THNSL2: variants seen among roughly 807,000 people sequenced by gnomAD.
THNSL2 encodes the protein threonine synthase like 2.
A neutral mutation model predicts 40.0 loss-of-function variants in THNSL2; 34 were observed. The observed-to-expected ratio is 0.85, with a 90% CI of 0.65 to 1.13. The LOEUF is 1.13. Ranked by LOEUF, THNSL2 falls within the 50% of genes most tolerant of loss-of-function variation. The pLI is 0.00. For missense variants in THNSL2, 537 were observed against 608.8 expected, an observed-to-expected ratio of 0.88 and a Z score of 1.24; for synonymous variants, 241 against 247.5, an observed-to-expected ratio of 0.97 and a Z score of 0.25.
intron 7 of THNSL2, chr2:88,183,561 T>A (rs1228374449): frequency 6.6e-6 from 1 of 152,190 alleles, no homozygotes; most frequent in Non-Finnish European, 1.5e-5. Flanking sequence ...GTTGAGCTCT[T>A]CCTTTCTTCC....
Position 88,174,849 on chromosome 2 carries a change from A to G in THNSL2, c.418+16A>G, listed in dbSNP as rs1676738710. On this transcript the variant is annotated intron_variant, in intron 3 of 8. Transcript: ENST00000674334. Reference sequence around the variant, plus strand: ...GTGGTTGTAGGTGTGTTTTTGGGGCACAAACGCAGAATACCTGAGTGCTGT... The same window carrying G: ...GTGGTTGTAGGTGTGTTTTTGGGGCGCAAACGCAGAATACCTGAGTGCTGT... 1 of 1,612,900 alleles carries G rather than the reference A, an allele frequency of 6.2e-7. No individual in the cohort carries two copies.
chr2:88,185,796 T>A (rs1678225567), intron 8 of THNSL2, 102 bp from the exon 9 acceptor site: 2 of 1,536,918 alleles, frequency 1.3e-6, no homozygotes, highest in Non-Finnish European at 8.8e-7. Context: ...TACCCCCCCA[T>A]CCCTAAACTT....
At chr2:88,180,794 A>G (rs1196349750) in intron 5 of THNSL2, among the ~76,000 whole-genome samples, 1 of 152,140 alleles carries the variant, frequency 6.6e-6, no homozygotes, top group Non-Finnish European at 1.5e-5. Context: ...GACTGAGGTT[A>G]CTGCTCTGGC....
intron 5 of THNSL2, 115 bp from the exon 6 acceptor site, chr2:88,182,584 G>T: frequency 7.9e-7 from 1 of 1,259,672 alleles, no homozygotes. Context: ...CCTTTTTAAA[G>T]CACAAAAGCT....
At chr2:88,181,122 CCT>C (rs1227782287) in intron 5 of THNSL2, among the ~76,000 whole-genome samples, 36 of 4,724 alleles carry the variant, frequency 7.6e-3, no homozygotes, top group African/African-American at 0.022. Context: ...CTCTCTCTCT[CCT>C]CTCTCTCCTC....
chr2:88,173,625 T>TAA (rs56707128), intron 2 of THNSL2, among the ~76,000 whole-genome samples: 35 of 145,014 alleles, frequency 2.4e-4, no homozygotes, highest in Admixed American at 5.5e-4. Context: ...TCTTTTTCTT[T>TAA]AAAAAAAAAA....
intron 7 of THNSL2, 40 bp downstream of exon 7, chr2:88,183,113 A>G: frequency 1.3e-6 from 2 of 1,596,156 alleles, no homozygotes; most frequent in East Asian, 2.2e-5. Context: ...AGGAAAGGGT[A>G]CAGCCACATA....
chr2:88,184,344 T>A lies in THNSL2; in HGVS notation c.1078-984T>A, dbSNP rs367785036. Among the ~76,000 whole-genome samples the A allele has an allele frequency of 4.7e-4, 72 of 152,344 alleles. 1 individual carries two copies. The highest frequency in any genetic ancestry group is 1.7e-3 in the African/African-American group (70 of 41,582). ...AGACACTTCACTTGCTGGAATGGCA[T>A]TCATGCATTCATGTTATATATCTAC... On this transcript the variant is annotated intron_variant, in intron 7 of 8. Transcript: ENST00000674334.
At chr2:88,175,864 A>C (rs1676871168) in intron 4 of THNSL2, 1 of 154,282 alleles carries the variant, frequency 6.5e-6, no homozygotes. Context: ...TTGGGAGGTC[A>C]AGGTGGGTGG....
In THNSL2 at chr2:88,178,806, G is replaced by T; in HGVS notation, c.595G>T (p.Asp199Tyr). The T allele has an allele frequency of 1.2e-6, 2 of 1,614,138 alleles. No individual in the cohort carries two copies. The highest frequency in any genetic ancestry group is 1.1e-5 in the South Asian group (1 of 91,080). The change falls in exon 5 of 9, where the codon GAT becomes TAT. Residue 199 changes from aspartate to tyrosine, a missense_variant. Transcript: ENST00000674334. ...FGVEGNSDELDEPIKTVFADV... is the reference protein window; with the variant it reads ...FGVEGNSDELYEPIKTVFADV... ...AGTGGAGGGAAACAGCGATGAGCTC[G>T]ATGAGCCGATCAAGACTGTGTTTGC...
In THNSL2 at chr2:88,175,544, C is replaced by T. The variant is rs2104162168; in HGVS notation, c.571+143C>T. On this transcript the variant is annotated intron_variant, in intron 4 of 8. Transcript: ENST00000674334. ...ATCATATTCGAGGTTGGTGTGTATGCCTTGGCTCAGCTCTGGGCAGGGTTC... is the reference window on the plus strand; with the variant it reads ...ATCATATTCGAGGTTGGTGTGTATGTCTTGGCTCAGCTCTGGGCAGGGTTC... 4.7e-6 allele frequency: 5 copies of T among 1,070,694 alleles called. No homozygotes were observed. The East Asian group carries it at 1.0e-4, about 22-fold the overall frequency. 66.3% of individuals were successfully genotyped at this position (1,070,694 alleles called of 1,614,324 possible).
intron 5 of THNSL2, among the ~76,000 whole-genome samples, chr2:88,179,339 C>T (rs1677290241): frequency 6.6e-6 from 1 of 152,232 alleles, no homozygotes; most frequent in Non-Finnish European, 1.5e-5. Context: ...TGCCCTCAAT[C>T]AGAAATGTGG....
chr2:88,174,495 T>A (rs1377121205), intron 2 of THNSL2, 144 bp from the exon 3 acceptor site: 1 of 777,006 alleles, frequency 1.3e-6, no homozygotes, highest in Non-Finnish European at 2.0e-6. Flanking sequence ...GTTTTTACAA[T>A]TGTATTCAAA....
At chr2:88,182,443 T>C (rs1364865554) in intron 5 of THNSL2, 4 of 321,700 alleles carry the variant, frequency 1.2e-5, no homozygotes, top group Non-Finnish European at 2.2e-5. Flanking sequence ...CCATTTTTAA[T>C]TGGGTTATTT....
chr2:88,184,259 C>T (rs1678011766), intron 7 of THNSL2, among the ~76,000 whole-genome samples: 1 of 152,128 alleles, frequency 6.6e-6, no homozygotes, highest in Non-Finnish European at 1.5e-5. Flanking sequence ...ATGAGGTGCT[C>T]CATGAAGACA....
Position 88,185,360 on chromosome 2 carries a change from G to C in THNSL2, c.1110G>C (p.Ser370=). The C allele has an allele frequency of 6.2e-7, 1 of 1,613,894 alleles. No homozygotes were observed. ...AGGCAGTGACATCCGTGTCAGTGTC[G>C]GATGAAGCCATCACCCAGACCATGG... The part of the protein sequence containing the change: ...LSEAVTSVSV[S]DEAITQTMGR... Residue 370 remains serine (S), a synonymous_variant, in exon 8 of 9, where the codon TCG becomes TCC. Coordinates refer to ENST00000674334, the MANE Select transcript of THNSL2 (RefSeq NM_018271.5).
chr2:88,182,536 C>A (rs909832261), intron 5 of THNSL2, 163 bp from the exon 6 acceptor site: 2 of 681,130 alleles, frequency 2.9e-6, no homozygotes, highest in African/African-American at 1.8e-5. Flanking sequence ...GCATTTTTCC[C>A]CATTCTGCGA....
chr2:88,175,111 G>A, intron 3 of THNSL2, 138 bp from the exon 4 acceptor site: 1 of 981,974 alleles, frequency 1.0e-6, no homozygotes, highest in Non-Finnish European at 1.5e-6. Flanking sequence ...TGGACCCTAG[G>A]TGGAGTGCTA....
In THNSL2 at chr2:88,185,434, T is replaced by G; in HGVS notation, c.1184T>G (p.Val395Gly). ...TACTTGCTGTGCCCCCACTCAGCGG[T>G]GGCCGTGAACTACCATTACCAGCAG... Reference protein sequence around the residue: ...NQYLLCPHSAVAVNYHYQQID... With the variant: ...NQYLLCPHSAGAVNYHYQQID... The change falls in exon 8 of 9, where the codon GTG becomes GGG. Residue 395 changes from valine (V) to glycine (G), a missense_variant. By Grantham distance (109) the Val-to-Gly change is moderately radical. Transcript: ENST00000674334. The G allele has an allele frequency of 6.2e-7, 1 of 1,613,720 alleles. No homozygotes were observed. Among genetic ancestry groups the G allele is most frequent in the Non-Finnish European group, 8.5e-7 (1 of 1,179,882 alleles).
Sources: gnomAD v4.1 joint callset for allele counts (sites outside exome capture counted in the v4.1 genomes callset) on GRCh38, gnomAD v4.1.1 for gene constraint, MANE v1.5 for transcripts, NCBI Gene and HGNC (gene_info 2026-07-23, HGNC 2026-07-21) for gene names.